Variants in DOCK1 observed in about 807,000 individuals in gnomAD.
DOCK1 encodes the protein dedicator of cytokinesis protein 1.
DOCK1 carries 138 observed loss-of-function variants against 262.7 expected under a neutral mutation model. The ratio of observed to expected loss-of-function variants is 0.53; its 90% CI spans 0.46 to 0.61. The LOEUF is 0.61. DOCK1 is among the 20% of genes least tolerant of loss of function. DOCK1 has a pLI of 0.00. For missense variants in DOCK1, 1,908 were observed against 2,370.7 expected, an observed-to-expected ratio of 0.80 and a Z score of 4.05; for synonymous variants, 866 against 867.4, an observed-to-expected ratio of 1.00 and a Z score of 0.03.
chr10:127,306,498 G>A (rs774474636), intron 29 of DOCK1, among the ~76,000 whole-genome samples: 1 of 152,076 alleles, frequency 6.6e-6, no homozygotes, highest in East Asian at 1.9e-4. Flanking sequence ...TGAATGTGGC[G>A]TCCATCTGCA....
At chr10:127,015,820 G>A (rs2041834568) in intron 12 of DOCK1, 1 of 152,364 alleles carries the variant, frequency 6.6e-6, no homozygotes, top group African/African-American at 2.4e-5. Context: ...GCCACAGGGT[G>A]TCAGGTCAGA....
chr10:127,317,821 T>G (rs2062350960), intron 29 of DOCK1, among the ~76,000 whole-genome samples: 1 of 152,192 alleles, frequency 6.6e-6, no homozygotes, highest in Admixed American at 6.5e-5. Context: ...GTTCTTGGTG[T>G]TCTTGGAAGA....
intron 33 of DOCK1, among the ~76,000 whole-genome samples, chr10:127,365,508 A>G (rs1175945750): frequency 6.6e-6 from 1 of 152,202 alleles, no homozygotes; most frequent in Non-Finnish European, 1.5e-5. Context: ...TAGCCCAAAG[A>G]AGGACTTTGT....
intron 27 of DOCK1, among the ~76,000 whole-genome samples, chr10:127,225,290 C>T (rs974127735): frequency 3.9e-5 from 6 of 152,220 alleles, no homozygotes; most frequent in Non-Finnish European, 7.3e-5. Context: ...CTTAGTCAAA[C>T]AGTGTTCCCC....
chr10:127,029,873 C>T (rs7084307), intron 16 of DOCK1, among the ~76,000 whole-genome samples: 35,975 of 151,960 alleles, frequency 0.24, 4,245 homozygotes, highest in Middle Eastern at 0.28. Flanking sequence ...TTTTTGTTGC[C>T]GTTGTTTCCA....
chr10:127,175,285 A>C lies in DOCK1; in HGVS notation c.2847+47521A>C. The C allele has an allele frequency of 6.2e-7, 1 of 1,613,854 alleles. No homozygotes were observed. The highest frequency in any genetic ancestry group is 8.5e-7 in the Non-Finnish European group (1 of 1,179,948). The stretch of plus-strand genomic sequence containing the variant: ...AGCACTTTGATGGTTTCTTGGCTTG[A>C]ACTGATCAAGTTCTCCATCATCTGA... On this transcript the variant is annotated intron_variant, in intron 27 of 51. Transcript: ENST00000623213. The surrounding 1 kb of genome is among the most constrained non-coding windows in gnomAD (Gnocchi z 6.3).
intron 29 of DOCK1, among the ~76,000 whole-genome samples, chr10:127,299,027 G>T (rs780803587): frequency 6.6e-6 from 1 of 152,184 alleles, no homozygotes. Flanking sequence ...ACCTGTGATT[G>T]TAACCTTATT....
At chr10:127,115,188 G>C (rs1214227115) in intron 25 of DOCK1, among the ~76,000 whole-genome samples, 1 of 152,182 alleles carries the variant, frequency 6.6e-6, no homozygotes, top group Non-Finnish European at 1.5e-5. Flanking sequence ...CCTAAGAAGA[G>C]GTTGTGCAGA....
chr10:127,356,943 A>G (rs1429299789), intron 32 of DOCK1, among the ~76,000 whole-genome samples: 1 of 152,202 alleles, frequency 6.6e-6, no homozygotes, highest in Non-Finnish European at 1.5e-5. Context: ...CTTTCAAATG[A>G]AGGTTCTCAT....
chr10:126,922,069 A>G (rs138116877), intron 1 of DOCK1, among the ~76,000 whole-genome samples: 3,729 of 152,068 alleles, frequency 0.025, 150 homozygotes, highest in African/African-American at 0.084. Context: ...AAAATTAGCC[A>G]GGCGTGGTGG....
At chr10:127,182,399 C>A (rs1338659157) in intron 27 of DOCK1, among the ~76,000 whole-genome samples, 2 of 152,138 alleles carry the variant, frequency 1.3e-5, no homozygotes, top group African/African-American at 4.8e-5. Flanking sequence ...CAAAGGAGGG[C>A]AAGCATGCAT....
intron 1 of DOCK1, among the ~76,000 whole-genome samples, chr10:126,942,920 A>G (rs2134268433): frequency 1.3e-5 from 2 of 152,336 alleles, no homozygotes; most frequent in East Asian, 3.9e-4. Flanking sequence ...ATCCTAAAAT[A>G]TATTGATTTC....
At chr10:127,164,479 G>T (rs1053268149) in intron 27 of DOCK1, among the ~76,000 whole-genome samples, 115 of 152,068 alleles carry the variant, frequency 7.6e-4, no homozygotes, top group African/African-American at 2.7e-3. Context: ...CACTGCTCCC[G>T]GCCCTGCCTC....
chr10:127,176,324 C>T lies in DOCK1; in HGVS notation c.2847+48560C>T. On this transcript the variant is annotated intron_variant, in intron 27 of 51. Coordinates refer to ENST00000623213, the MANE Select transcript of DOCK1 (RefSeq NM_001290223.2). This position sits in a 1 kb window ranked among gnomAD's most constrained non-coding sequence, Gnocchi z 4.4. ...CCAGGGCGTATTTCATCTCCAGGGC[C>T]AGGCAGGCGGCGGGTTCCACTTCAC... 1 of 1,614,008 alleles carries T rather than the reference C, an allele frequency of 6.2e-7. No individual in the cohort carries two copies. Among genetic ancestry groups the T allele is most frequent in the African/African-American group, 1.3e-5 (1 of 75,008 alleles).
At chr10:126,938,803 C>T (rs1375965957) in intron 1 of DOCK1, among the ~76,000 whole-genome samples, 67 of 48,484 alleles carry the variant, frequency 1.4e-3, no homozygotes, top group African/African-American at 1.8e-3. Context: ...GGATGAGCAC[C>T]GGAGGGGATG....
chr10:126,997,044 G>A (rs2040249185), intron 7 of DOCK1, among the ~76,000 whole-genome samples, 161 bp downstream of exon 7: 1 of 152,124 alleles, frequency 6.6e-6, no homozygotes, highest in Non-Finnish European at 1.5e-5. Context: ...GGAGCCTGGT[G>A]GCACAGGATG....
At chr10:127,091,352 T>C (rs2047523421) in intron 23 of DOCK1, among the ~76,000 whole-genome samples, 1 of 152,176 alleles carries the variant, frequency 6.6e-6, no homozygotes, top group African/African-American at 2.4e-5. Flanking sequence ...TTCTGTTGAG[T>C]TGACTGAAGA....
intron 29 of DOCK1, among the ~76,000 whole-genome samples, chr10:127,286,411 A>G (rs1219826407): frequency 6.6e-6 from 1 of 152,186 alleles, no homozygotes; most frequent in Non-Finnish European, 1.5e-5. Context: ...CAGTGGAGAT[A>G]TAATCTCAGT....
intron 27 of DOCK1, among the ~76,000 whole-genome samples, chr10:127,155,978 G>C (rs551468247): frequency 6.6e-6 from 1 of 152,322 alleles, no homozygotes; most frequent in East Asian, 1.9e-4. Context: ...GCAGTCAGGA[G>C]AAAGTACCTA....
Sources: allele counts gnomAD v4.1 joint callset (sites outside exome capture counted in the v4.1 genomes callset), GRCh38; gene constraint gnomAD v4.1.1; non-coding constraint Gnocchi (gnomAD v3.1); transcripts MANE v1.5; gene names NCBI Gene and HGNC (gene_info 2026-07-23, HGNC 2026-07-21).